Variants in PYGL observed in about 807,000 individuals in gnomAD.
The protein encoded by PYGL is glycogen phosphorylase L, also known as glycogen phosphorylase, liver form.
In PYGL, 90 loss-of-function variants were observed where a neutral mutation model predicts 100.1. That is an observed-to-expected ratio of 0.90 (90% CI 0.76 to 1.07). PYGL has a LOEUF of 1.07. PYGL is among the 50% of genes least tolerant of loss of function. The probability of loss-of-function intolerance (pLI) is 0.00; values close to 1 mark genes in which losing one functional copy is unlikely to be tolerated. For missense variants in PYGL, 1,016 were observed against 1,057.6 expected, an observed-to-expected ratio of 0.96 and a Z score of 0.55; for synonymous variants, 373 against 393.0, an observed-to-expected ratio of 0.95 and a Z score of 0.60.
intron 3 of PYGL, 102 bp downstream of exon 3, chr14:50,935,002 GCTT>G (rs2050641237): frequency 1.9e-6 from 2 of 1,056,522 alleles, no homozygotes; most frequent in Non-Finnish European, 2.9e-6. Context: ...CATACCTTGC[GCTT>G]CTTCTAGGAA....
intron 4 of PYGL, 45 bp downstream of exon 4, chr14:50,931,628 A>G (rs2050601511): frequency 6.7e-7 from 1 of 1,501,204 alleles, no homozygotes; most frequent in African/African-American, 1.4e-5. Flanking sequence ...GCACCATGAA[A>G]GAGAAGTACC....
chr14:50,906,690 C>T (rs985781184), intron 19 of PYGL, among the ~76,000 whole-genome samples: 1 of 152,174 alleles, frequency 6.6e-6, no homozygotes, highest in Admixed American at 6.5e-5. Context: ...TTGAGGTGGC[C>T]GTTCTCTTCC....
At chr14:50,912,940 C>G in intron 13 of PYGL, 89 bp downstream of exon 13, 1 of 1,228,052 alleles carries the variant, frequency 8.1e-7, no homozygotes, top group East Asian at 2.5e-5. Context: ...GGCAACAGAG[C>G]GAGACTCTGT....
Position 50,934,779 on chromosome 14 carries a change from G to A in PYGL, c.424+328C>T, listed in dbSNP as rs114150033. ...TGTTCCCTATGACCCCCTATAGGGA[G>A]GAGCACAGAACTGGGGTAGTGATCA... On this transcript the variant is annotated intron_variant, in intron 3 of 19. Coordinates refer to ENST00000216392, the MANE Select transcript of PYGL (RefSeq NM_002863.5). Among the ~76,000 whole-genome samples, 546 of 152,232 alleles carry A rather than the reference G, an allele frequency of 3.6e-3. 2 individuals are homozygous for A. Among genetic ancestry groups the A allele is most frequent in the Middle Eastern group, 0.034 (10 of 294 alleles).
At chr14:50,916,922 C>G (rs775971789) in intron 8 of PYGL, 40 bp downstream of exon 8, 2 of 1,606,784 alleles carry the variant, frequency 1.2e-6, no homozygotes, top group East Asian at 2.2e-5. Context: ...CAGTCAATCC[C>G]TCAGTGGACC....
intron 13 of PYGL, 113 bp downstream of exon 13, chr14:50,912,916 T>C (rs1462166418): frequency 2.5e-5 from 24 of 944,260 alleles, no homozygotes; most frequent in African/African-American, 4.9e-5. Flanking sequence ...ATCGTGCCAC[T>C]GCACTCCAGC....
At chr14:50,918,402 C>T (rs190877184) in intron 7 of PYGL, among the ~76,000 whole-genome samples, 4 of 152,308 alleles carry the variant, frequency 2.6e-5, no homozygotes, top group Admixed American at 1.3e-4. Flanking sequence ...TATAGCAGCA[C>T]AATTCGCAAT....
intron 2 of PYGL, among the ~76,000 whole-genome samples, chr14:50,936,880 T>C (rs185230293): frequency 9.9e-5 from 15 of 151,956 alleles, no homozygotes; most frequent in African/African-American, 2.7e-4. Flanking sequence ...AAGGGAGAGA[T>C]GTTATTTTCA....
intron 7 of PYGL, among the ~76,000 whole-genome samples, chr14:50,919,655 C>T (rs1412288679): frequency 6.9e-6 from 1 of 145,028 alleles, no homozygotes; most frequent in Non-Finnish European, 1.5e-5. Context: ...ATCTGAGATC[C>T]AGTTCCAAGT....
At position 50,910,077 on chromosome 14, in the gene PYGL, C is replaced by T. The variant is rs148777213; in HGVS notation, c.1995G>A (p.Glu665=). 4.6e-5 allele frequency: 75 copies of T among 1,614,056 alleles called. No homozygotes were observed. In the African/African-American group the frequency reaches 8.5e-4, roughly 18 times the overall value. The change falls in exon 17 of 20, where the codon GAG becomes GAA. Residue 665 remains glutamate (E), a synonymous_variant. Coordinates refer to ENST00000216392, the MANE Select transcript of PYGL (RefSeq NM_002863.5). The part of the protein sequence containing the change: ...EKVIPATDLS[E]QISTAGTEAS... The stretch of plus-strand genomic sequence containing the variant: ...CTTCGGTGCCTGCAGTGGAAATCTG[C>T]TCTGACAGATCTGTGGCTGGAATGA...
chr14:50,908,379 C>G (rs776940038), intron 18 of PYGL, 42 bp from the exon 19 acceptor site: 34 of 1,464,610 alleles, frequency 2.3e-5, no homozygotes, highest in Non-Finnish European at 3.2e-5. Context: ...CAGTCAAAAT[C>G]TTCATTAATA....
chr14:50,940,233 C>G (rs932841925), intron 1 of PYGL, among the ~76,000 whole-genome samples: 2 of 151,848 alleles, frequency 1.3e-5, no homozygotes, highest in African/African-American at 4.9e-5. Flanking sequence ...AAAAATCCTT[C>G]CATGTGTGTA....
Position 50,937,775 on chromosome 14 carries a change from G to A in PYGL, c.306C>T (p.Asn102=), listed in dbSNP as rs2139197673. Residue 102 remains asparagine, a synonymous_variant, in exon 2 of 20, where the codon AAC becomes AAT. Transcript: ENST00000216392. The part of the protein sequence containing the change: ...MGRTLQNTMI[N]LGLQNACDEA... ...CATCACAGGCATTTTGCAGACCGAG[G>A]TTGATCATGGTGTTCTGTAATGTTC... 6.2e-7 allele frequency: 1 copy of A among 1,614,078 alleles called. No homozygotes were observed. The highest frequency in any genetic ancestry group is 2.2e-5 in the East Asian group (1 of 44,886).
chr14:50,913,751 G>A (rs1337483497), intron 12 of PYGL, among the ~76,000 whole-genome samples: 8 of 151,908 alleles, frequency 5.3e-5, no homozygotes, highest in African/African-American at 1.9e-4. Flanking sequence ...AAGCAATGTC[G>A]TGATCATAGC....
At chr14:50,908,618 C>T (rs1017580322) in intron 18 of PYGL, among the ~76,000 whole-genome samples, 15 of 152,182 alleles carry the variant, frequency 9.9e-5, no homozygotes, top group African/African-American at 3.1e-4. Flanking sequence ...TTACTGGCAT[C>T]GCTGGTGGAG....
At chr14:50,915,283 C>T (rs1019981333) in intron 11 of PYGL, 53 bp downstream of exon 11, 97 of 1,591,684 alleles carry the variant, frequency 6.1e-5, no homozygotes, top group Non-Finnish European at 8.2e-5. Flanking sequence ...TTAGTAGCAT[C>T]ATTCCATTAA....
At chr14:50,917,384 G>A (rs1307864942) in intron 7 of PYGL, among the ~76,000 whole-genome samples, 1 of 152,182 alleles carries the variant, frequency 6.6e-6, no homozygotes, top group East Asian at 1.9e-4. Flanking sequence ...ATGCATGAGT[G>A]GTAAGTGATT....
chr14:50,905,837 A>G (rs1423963451), intron 19 of PYGL, among the ~76,000 whole-genome samples: 1 of 152,248 alleles, frequency 6.6e-6, no homozygotes. Context: ...CTATGGTTAC[A>G]ATGTTTTGGC....
intron 19 of PYGL, 50 bp from the exon 20 acceptor site, chr14:50,905,606 C>G: frequency 6.3e-7 from 1 of 1,579,054 alleles, no homozygotes; most frequent in Non-Finnish European, 8.7e-7. Context: ...GCGCAGTGAG[C>G]TTTATAATAA....
Sources: gnomAD v4.1 joint callset for allele counts (sites outside exome capture counted in the v4.1 genomes callset) on GRCh38, gnomAD v4.1.1 for gene constraint, MANE v1.5 for transcripts, NCBI Gene and HGNC (gene_info 2026-07-23, HGNC 2026-07-21) for gene names.